RARB: variants seen among roughly 807,000 people sequenced by gnomAD.
RARB encodes the protein retinoic acid receptor beta.
In RARB, 17 loss-of-function variants were observed where a neutral mutation model predicts 51.9. The ratio of observed to expected loss-of-function variants is 0.33; its 90% CI spans 0.22 to 0.49. The LOEUF is 0.49. Among genes scored for constraint, RARB ranks in the 20% least tolerant of loss-of-function variants. The pLI is 0.99. For synonymous variants in RARB, 215 were observed against 195.4 expected (o/e 1.10, Z -0.84); for missense variants, 369 against 550.8 (o/e 0.67, Z 3.30).
At chr3:25,546,141 G>A (rs1699607625) in intron 3 of RARB, among the ~76,000 whole-genome samples, 1 of 152,038 alleles carries the variant, frequency 6.6e-6, no homozygotes, top group Non-Finnish European at 1.5e-5. Context: ...CATCGAGAAG[G>A]CCATTGTGTC....
At chr3:25,030,395 T>G (rs1022904355) in intron 2 of RARB, among the ~76,000 whole-genome samples, 1 of 152,242 alleles carries the variant, frequency 6.6e-6, no homozygotes, top group Admixed American at 6.5e-5. Flanking sequence ...AGTAAGAGTA[T>G]TGTACATATC....
chr3:25,058,663 T>G (rs1439375497), intron 2 of RARB, among the ~76,000 whole-genome samples: 2 of 151,798 alleles, frequency 1.3e-5, no homozygotes, highest in Non-Finnish European at 3.0e-5. Flanking sequence ...GATCTAATTG[T>G]ATTATTTTCT....
At chr3:25,472,710 A>G (rs1437119689) in intron 2 of RARB, among the ~76,000 whole-genome samples, 1 of 152,182 alleles carries the variant, frequency 6.6e-6, no homozygotes, top group Non-Finnish European at 1.5e-5. Flanking sequence ...AATTTATCAA[A>G]CTATCTTTTC....
intron 1 of RARB, among the ~76,000 whole-genome samples, chr3:25,455,113 G>A (rs1398095886): frequency 1.3e-5 from 2 of 152,220 alleles, no homozygotes; most frequent in African/African-American, 4.8e-5. Flanking sequence ...ATGCAATCCG[G>A]AGACCTGTGC....
intron 5 of RARB, among the ~76,000 whole-genome samples, chr3:25,285,017 C>T (rs543692437): frequency 1.7e-4 from 26 of 152,314 alleles, no homozygotes; most frequent in South Asian, 6.2e-4. Context: ...GTTTGTTCAT[C>T]TATTCACTCA....
At chr3:25,132,426 G>T (rs1699968251) in intron 4 of RARB, among the ~76,000 whole-genome samples, 1 of 151,794 alleles carries the variant, frequency 6.6e-6, no homozygotes, top group Non-Finnish European at 1.5e-5. Flanking sequence ...CGGCATCCAA[G>T]AATTTTGTGG....
At position 25,240,044 on chromosome 3, in the gene RARB, TTG is replaced by T. The variant is rs1209955637; in HGVS notation, c.178+65471_178+65472del. Among the ~76,000 whole-genome samples the T allele has an allele frequency of 3.3e-5, 5 of 150,964 alleles. 1 individual carries two copies. Among genetic ancestry groups the T allele is most frequent in the African/African-American group, 1.2e-4 (5 of 40,454 alleles). On this transcript the variant is annotated intron_variant, in intron 5 of 11. Coordinates refer to the RARB transcript ENST00000383772. ...TTTTTCCTAGGTTGTTGGTGTTTGTTTGTTTTTTTTTTGTTATCGCTGTTTTG... is the reference window on the plus strand; with the variant it reads ...TTTTTCCTAGGTTGTTGGTGTTTGTTTTTTTTTTTTGTTATCGCTGTTTTG...
Position 25,368,715 on chromosome 3 carries a change from G to C in RARB, c.179-92478G>C, listed in dbSNP as rs1230498083. 2.0e-5 allele frequency among the ~76,000 whole-genome samples: 3 copies of C among 152,280 alleles called. No homozygotes were observed. The East Asian group carries it at 5.8e-4, about 29-fold the overall frequency. Reference sequence around the variant, plus strand: ...CTTTCTAAAAGCAAGTAGATTTCCAGGTGTGTCCATTACATCTAAATGAAA... The same window carrying C: ...CTTTCTAAAAGCAAGTAGATTTCCACGTGTGTCCATTACATCTAAATGAAA... On this transcript the variant is annotated intron_variant, in intron 5 of 11. Transcript: ENST00000383772.
intron 2 of RARB, among the ~76,000 whole-genome samples, chr3:24,961,354 A>T (rs1477445581): frequency 2.6e-5 from 4 of 152,224 alleles, no homozygotes; most frequent in Non-Finnish European, 5.9e-5. Context: ...ACTGGAAGTA[A>T]CATTCACATT....
intron 5 of RARB, among the ~76,000 whole-genome samples, chr3:25,354,489 C>T (rs939159777): frequency 2.6e-5 from 4 of 152,010 alleles, no homozygotes; most frequent in East Asian, 1.9e-4. Context: ...TTTTATGTTA[C>T]GTTATTTTGG....
intron 5 of RARB, among the ~76,000 whole-genome samples, chr3:25,323,940 A>G (rs148445241): frequency 2.9e-4 from 44 of 152,320 alleles, no homozygotes; most frequent in African/African-American, 9.9e-4. Flanking sequence ...GCAATCAAGG[A>G]TCACCAAGCA....
chr3:25,389,247 T>C (rs1559381650), intron 5 of RARB, among the ~76,000 whole-genome samples: 1 of 152,296 alleles, frequency 6.6e-6, no homozygotes, highest in East Asian at 1.9e-4. Flanking sequence ...CCTTCCTTTT[T>C]TTAGATGGTA....
intron 2 of RARB, among the ~76,000 whole-genome samples, chr3:25,468,016 G>A (rs1243328841): frequency 3.3e-5 from 5 of 152,268 alleles, no homozygotes; most frequent in Admixed American, 6.5e-5. Flanking sequence ...TGTGATGGGG[G>A]TCAGGTGGGA....
intron 3 of RARB, among the ~76,000 whole-genome samples, chr3:25,106,972 C>T (rs1699518641): frequency 6.6e-6 from 1 of 152,024 alleles, no homozygotes; most frequent in African/African-American, 2.4e-5. Context: ...ACGATCTCAG[C>T]TCACTGCAAC....
chr3:25,446,027 C>T, intron 1 of RARB, among the ~76,000 whole-genome samples: 1 of 152,194 alleles, frequency 6.6e-6, no homozygotes, highest in South Asian at 2.1e-4. Flanking sequence ...GATAAATAAT[C>T]CCAATAGACA....
At chr3:24,869,917 T>C (rs1389033152) in intron 2 of RARB, among the ~76,000 whole-genome samples, 1 of 152,082 alleles carries the variant, frequency 6.6e-6, no homozygotes, top group Non-Finnish European at 1.5e-5. Flanking sequence ...GCCTTTTATA[T>C]TGTGAAACTT....
chr3:25,428,107 T>G (rs1169805441), upstream of RARB, among the ~76,000 whole-genome samples: 1 of 152,220 alleles, frequency 6.6e-6, no homozygotes, highest in East Asian at 1.9e-4. Flanking sequence ...TCTCTGGCTG[T>G]CTGCTTTTGC....
intron 5 of RARB, among the ~76,000 whole-genome samples, chr3:25,419,256 T>G (rs1707793214): frequency 6.6e-6 from 1 of 152,112 alleles, no homozygotes; most frequent in African/African-American, 2.4e-5. Context: ...ATGACCTGCT[T>G]CAGGGGAGAA....
intron 2 of RARB, among the ~76,000 whole-genome samples, chr3:24,913,295 T>G (rs2125381184): frequency 6.6e-6 from 1 of 152,148 alleles, no homozygotes; most frequent in South Asian, 2.1e-4. Context: ...GTACTGTTCT[T>G]TTCTTAACAG....
Sources: gnomAD v4.1 joint callset for allele counts (sites outside exome capture counted in the v4.1 genomes callset) on GRCh38, gnomAD v4.1.1 for gene constraint, MANE v1.5 for transcripts, NCBI Gene and HGNC (gene_info 2026-07-23, HGNC 2026-07-21) for gene names.